Variants in ASIC2 observed in about 807,000 individuals in gnomAD.
ASIC2 encodes acid-sensing ion channel 2.
In ASIC2, 25 loss-of-function variants were observed where a neutral mutation model predicts 57.3. The observed-to-expected ratio is 0.44, with a 90% CI of 0.32 to 0.61. The LOEUF is 0.61. ASIC2 is among the 20% of genes least tolerant of loss of function. ASIC2 has a pLI of 0.06. For synonymous variants in ASIC2, 319 were observed against 307.5 expected (o/e 1.04, Z -0.39); for missense variants, 641 against 738.1 (o/e 0.87, Z 1.52).
At chr17:33,174,825 C>G (rs1905678736) in intron 1 of ASIC2, among the ~76,000 whole-genome samples, 1 of 152,116 alleles carries the variant, frequency 6.6e-6, no homozygotes, top group Non-Finnish European at 1.5e-5. Context: ...GTAACGTGAG[C>G]AAGAAATGAG....
At chr17:33,153,195 G>T (rs527464168) in intron 1 of ASIC2, among the ~76,000 whole-genome samples, 1 of 152,358 alleles carries the variant, frequency 6.6e-6, no homozygotes, top group South Asian at 2.1e-4. Context: ...GCCAGGTGGG[G>T]GTAGAGCCAG....
intron 5 of ASIC2, 83 bp downstream of exon 5, chr17:33,025,843 C>A: frequency 7.3e-7 from 1 of 1,373,582 alleles, no homozygotes; most frequent in South Asian, 1.4e-5. Context: ...TCCACTTGAT[C>A]TTTCCCCAAA....
chr17:33,527,999 T>G (rs1362195513), intron 1 of ASIC2, among the ~76,000 whole-genome samples: 1 of 152,166 alleles, frequency 6.6e-6, no homozygotes, highest in Non-Finnish European at 1.5e-5. Context: ...TTGCAGATGC[T>G]CATTTGACCC....
At chr17:33,919,906 C>A (rs758477468) in intron 1 of ASIC2, among the ~76,000 whole-genome samples, 20 of 152,074 alleles carry the variant, frequency 1.3e-4, no homozygotes, top group Non-Finnish European at 2.4e-4. Flanking sequence ...AAGTGGCCAA[C>A]AAACATGAAA....
At chr17:34,106,295 G>T (rs1244082247) in intron 1 of ASIC2, among the ~76,000 whole-genome samples, 1 of 152,002 alleles carries the variant, frequency 6.6e-6, no homozygotes, top group African/African-American at 2.4e-5. Flanking sequence ...TATAGTTATT[G>T]ATATTTCTCT....
chr17:33,788,483 A>T (rs1174781752), intron 1 of ASIC2, among the ~76,000 whole-genome samples: 1 of 152,204 alleles, frequency 6.6e-6, no homozygotes, highest in Non-Finnish European at 1.5e-5. Flanking sequence ...ACCAGAGTGG[A>T]AGACAGTATG....
At chr17:33,402,433 T>C (rs542296929) in intron 1 of ASIC2, among the ~76,000 whole-genome samples, 57 of 152,300 alleles carry the variant, frequency 3.7e-4, no homozygotes, top group African/African-American at 1.3e-3. Flanking sequence ...TCCCTAATGC[T>C]CTTCCTGCCA....
At chr17:33,578,984 G>A (rs952581086) in intron 1 of ASIC2, among the ~76,000 whole-genome samples, 1 of 152,114 alleles carries the variant, frequency 6.6e-6, no homozygotes, top group African/African-American at 2.4e-5. Flanking sequence ...CTTGGAAGCG[G>A]TTATAGAATG....
chr17:33,413,582 A>G (rs1037326712), intron 1 of ASIC2, among the ~76,000 whole-genome samples: 5 of 151,860 alleles, frequency 3.3e-5, no homozygotes, highest in Non-Finnish European at 7.4e-5. Context: ...AGGCCCTTTT[A>G]TTTTTCTCCC....
At chr17:33,967,458 C>T (rs983949399) in intron 1 of ASIC2, among the ~76,000 whole-genome samples, 1 of 152,184 alleles carries the variant, frequency 6.6e-6, no homozygotes, top group African/African-American at 2.4e-5. Flanking sequence ...TAATCTTGAA[C>T]TCCGAAACTC....
intron 1 of ASIC2, among the ~76,000 whole-genome samples, chr17:33,171,418 C>T (rs1322407525): frequency 1.3e-5 from 2 of 152,216 alleles, no homozygotes; most frequent in Non-Finnish European, 2.9e-5. Flanking sequence ...GGAGCCATCA[C>T]ACATCCAGTT....
chr17:33,290,445 A>C (rs1905373857), intron 1 of ASIC2, among the ~76,000 whole-genome samples: 1 of 152,246 alleles, frequency 6.6e-6, no homozygotes, highest in Admixed American at 6.5e-5. Context: ...ACAGGCATGC[A>C]TCATGCTGGG....
rs572728815 is a variant in ASIC2, at chr17:33,211,617, G to A, written c.708+79791C>T. Among the ~76,000 whole-genome samples, 4 of 150,796 alleles carry A rather than the reference G, an allele frequency of 2.7e-5. No homozygotes were observed. The East Asian group carries it at 5.8e-4, about 22-fold the overall frequency. On this transcript the variant is annotated intron_variant, in intron 1 of 9. Transcript: ENST00000225823. ...GGAAACAGGCAGAGCAGGCAGCCCC[G>A]TTCATCTATTCCCAATATTGCATTA...
intron 5 of ASIC2, among the ~76,000 whole-genome samples, chr17:33,024,998 T>C (rs2091852947): frequency 6.6e-6 from 1 of 152,116 alleles, no homozygotes; most frequent in African/African-American, 2.4e-5. Flanking sequence ...CCTCCCTTTT[T>C]CCTCTAGCCA....
intron 1 of ASIC2, among the ~76,000 whole-genome samples, chr17:33,561,712 A>G (rs1303624534): frequency 1.3e-5 from 2 of 149,784 alleles, no homozygotes; most frequent in Non-Finnish European, 2.9e-5. Context: ...GTATTGAAAG[A>G]AGAGCAGGCA....
chr17:33,149,530 A>G (rs1904701963), intron 1 of ASIC2, among the ~76,000 whole-genome samples: 1 of 152,254 alleles, frequency 6.6e-6, no homozygotes, highest in African/African-American at 2.4e-5. Context: ...CTCTGACACT[A>G]ACACAGTGAC....
At chr17:33,881,644 C>T (rs1237694607) in intron 1 of ASIC2, among the ~76,000 whole-genome samples, 1 of 152,164 alleles carries the variant, frequency 6.6e-6, no homozygotes, top group African/African-American at 2.4e-5. Context: ...ATTCCATGCT[C>T]ATGGGTAGGA....
intron 1 of ASIC2, among the ~76,000 whole-genome samples, chr17:33,588,124 T>C (rs905393019): frequency 6.6e-6 from 1 of 152,262 alleles, no homozygotes; most frequent in Admixed American, 6.5e-5. Flanking sequence ...TTGTTCAGAA[T>C]GTCTCTGTTA....
At chr17:33,053,540 G>A (rs2091985890) in intron 3 of ASIC2, among the ~76,000 whole-genome samples, 1 of 152,120 alleles carries the variant, frequency 6.6e-6, no homozygotes, top group African/African-American at 2.4e-5. Context: ...TCTAAGTTGA[G>A]GCTAATCATT....
Sources: allele counts gnomAD v4.1 joint callset (sites outside exome capture counted in the v4.1 genomes callset), GRCh38; gene constraint gnomAD v4.1.1; transcripts MANE v1.5; gene names NCBI Gene and HGNC (gene_info 2026-07-23, HGNC 2026-07-21).